Variants in SLC39A14 observed in about 807,000 individuals in gnomAD.
SLC39A14 encodes the protein solute carrier family 39 member 14.
Under a neutral mutation model 45.5 loss-of-function variants are expected in SLC39A14, and 19 were observed. The observed-to-expected ratio is 0.42, with a 90% CI of 0.29 to 0.61. SLC39A14 has a LOEUF of 0.61. Ranked by LOEUF, SLC39A14 falls within the 20% of genes least tolerant of loss-of-function variation. SLC39A14 has a pLI of 0.22. For missense variants in SLC39A14, 447 were observed against 616.5 expected (o/e 0.73, Z 2.91); for synonymous variants, 264 against 251.3 (o/e 1.05, Z -0.48).
intron 1 of SLC39A14, among the ~76,000 whole-genome samples, chr8:22,375,171 G>A (rs1342984736): frequency 6.7e-6 from 1 of 149,110 alleles, no homozygotes; most frequent in African/African-American, 2.4e-5. Context: ...TTTCCAGTCT[G>A]AACACAGCCC....
At chr8:22,381,287 C>T (rs1833495988) in intron 1 of SLC39A14, among the ~76,000 whole-genome samples, 1 of 140,714 alleles carries the variant, frequency 7.1e-6, no homozygotes, top group South Asian at 2.3e-4. Flanking sequence ...CTTTTTTTTT[C>T]TCCCCGAGAC....
At chr8:22,385,183 A>G (rs1269725851) in intron 1 of SLC39A14, among the ~76,000 whole-genome samples, 1 of 152,094 alleles carries the variant, frequency 6.6e-6, no homozygotes, top group Non-Finnish European at 1.5e-5. Flanking sequence ...ACTGCAGGAG[A>G]GGGGGGTCCC....
chr8:22,398,639 CT>C, intron 1 of SLC39A14: 1 of 849,360 alleles, frequency 1.2e-6, no homozygotes, highest in Non-Finnish European at 1.4e-6. Flanking sequence ...TATGCCCAAC[CT>C]CTAGACCCAG....
intron 2 of SLC39A14, 26 bp from the exon 3 acceptor site, chr8:22,408,283 CG>C (rs1419531113): frequency 5.0e-6 from 8 of 1,602,274 alleles, no homozygotes; most frequent in Non-Finnish European, 6.8e-6. Context: ...GGGGTCTAAG[CG>C]GCTTCCTGCC....
rs188765047 is a variant in SLC39A14 at position 22,394,451 on chromosome 8, C to T, written c.-15-10245C>T. ...TCTCCTGCCTCAACCTCCCAAGTAG[C>T]TGGTACTACAGGCGCCCACCACCAC... On this transcript the variant is annotated intron_variant, in intron 1 of 8. Transcript: ENST00000381237. Among the ~76,000 whole-genome samples the T allele has an allele frequency of 8.3e-4, 126 of 151,890 alleles. 2 individuals carry two copies. The East Asian group carries it at 0.02, about 24-fold the overall frequency.
rs1836232666 is a variant in SLC39A14 at position 22,421,602 on chromosome 8, C to T, written c.*1904C>T. On this transcript the variant is annotated 3_prime_UTR_variant, in exon 9 of 9. Coordinates refer to ENST00000381237, the MANE Select transcript of SLC39A14 (RefSeq NM_001128431.4). ...GTTTTTAAACGGTTCTTTGTCTTTTCTGTTTTATTTTTCTCAAGCTGCTTT... is the reference window on the plus strand; with the variant it reads ...GTTTTTAAACGGTTCTTTGTCTTTTTTGTTTTATTTTTCTCAAGCTGCTTT... 2.0e-6 allele frequency: 2 copies of T among 985,602 alleles called. No homozygotes were observed. Among genetic ancestry groups the T allele is most frequent in the Non-Finnish European group, 2.4e-6 (2 of 829,860 alleles). The allele number at this position is 985,602 out of a possible 1,614,324, so 61.1% of individuals were successfully genotyped here. A position where few individuals can be genotyped will look rare whatever the true frequency, so the allele number is the denominator to read the frequency against.
intron 1 of SLC39A14, among the ~76,000 whole-genome samples, chr8:22,370,328 TG>T (rs1460832013): frequency 6.6e-6 from 1 of 152,170 alleles, no homozygotes; most frequent in Non-Finnish European, 1.5e-5. Flanking sequence ...TGCAGAATCA[TG>T]GGGTTTACAC....
rs1320223142 is a variant in SLC39A14, at chr8:22,410,167, G to A, written c.457+1671G>A. ...CCTCTTTCCCTGGGGCGGCACAGCT[G>A]AGCCAATCCCCTCCTCCCCTACCCT... On this transcript the variant is annotated intron_variant, in intron 3 of 8. Coordinates refer to ENST00000381237, the MANE Select transcript of SLC39A14 (RefSeq NM_001128431.4). 8 of 1,594,416 alleles carry A rather than the reference G, an allele frequency of 5.0e-6. No individual in the cohort carries two copies. The South Asian group carries it at 8.8e-5, about 18-fold the overall frequency.
At chr8:22,428,998 C>T (rs1311983912) in intron 8 of SLC39A14, among the ~76,000 whole-genome samples, 4 of 151,932 alleles carry the variant, frequency 2.6e-5, no homozygotes, top group Non-Finnish European at 4.4e-5. Context: ...AATGGCCAGG[C>T]GTGGTGGCTC....
rs78484435 is a variant in SLC39A14, at chr8:22,375,223, A to G, written c.-16+7815A>G. On this transcript the variant is annotated intron_variant, in intron 1 of 8. Coordinates refer to ENST00000381237, the MANE Select transcript of SLC39A14 (RefSeq NM_001128431.4). The stretch of plus-strand genomic sequence containing the variant: ...GAAACTGTAATAGATGTGATTAACT[A>G]TACACAGAATTCCCCCAAACAATTG... Among the ~76,000 whole-genome samples, 975 of 123,172 alleles carry G rather than the reference A, an allele frequency of 7.9e-3. 3 individuals carry two copies. The highest frequency in any genetic ancestry group is 0.012 in the Non-Finnish European group (664 of 53,594). 80.8% of individuals were successfully genotyped at this position (123,172 alleles called of 152,430 possible).
At chr8:22,429,090 G>T (rs1028570288) in intron 8 of SLC39A14, among the ~76,000 whole-genome samples, 3 of 152,002 alleles carry the variant, frequency 2.0e-5, no homozygotes, top group African/African-American at 7.2e-5. Flanking sequence ...GGCTAACACG[G>T]TGAAACCCCG....
At chr8:22,398,726 A>T in intron 1 of SLC39A14, 1 of 985,464 alleles carries the variant, frequency 1.0e-6, no homozygotes, top group Non-Finnish European at 1.2e-6. Context: ...GCTGAACATC[A>T]CAGAAGCGTC....
At chr8:22,418,543 A>ATT (rs538719656) in intron 8 of SLC39A14, among the ~76,000 whole-genome samples, 1 of 145,762 alleles carries the variant, frequency 6.9e-6, no homozygotes. Context: ...TTTTTCTTTA[A>ATT]TTTTTTTTTT....
In SLC39A14 at chr8:22,401,543, CTTTTTTTTT is replaced by C. The variant is rs71544899; in HGVS notation, c.-15-3139_-15-3131del. ...CTGTCTTTCTCTTTCTCTTCTCTTT[CTTTTTTTTT>C]TTTTTTTTTTTTTGAGATGGAATCT... On this transcript the variant is annotated intron_variant, in intron 1 of 8. Transcript: ENST00000381237. Among the ~76,000 whole-genome samples, 19 of 84,078 alleles carry C rather than the reference CTTTTTTTTT, an allele frequency of 2.3e-4. No individual in the cohort carries two copies. In the East Asian group the frequency reaches 7.8e-3, roughly 34 times the overall value. The allele number at this position is 84,078 out of a possible 152,430, so 55.2% of individuals were successfully genotyped here. A position where few individuals can be genotyped will look rare whatever the true frequency, so the allele number is the denominator to read the frequency against.
chr8:22,408,864 A>G (rs1835391132), intron 3 of SLC39A14, among the ~76,000 whole-genome samples: 1 of 139,500 alleles, frequency 7.2e-6, no homozygotes, highest in Admixed American at 7.9e-5. Flanking sequence ...TCTGTCTCCG[A>G]GGCTGGAGTC....
intron 1 of SLC39A14, among the ~76,000 whole-genome samples, chr8:22,401,552 T>TTTTTC (rs1834864950): frequency 7.2e-6 from 1 of 139,344 alleles, no homozygotes; most frequent in Non-Finnish European, 1.6e-5. Context: ...TCTTTTTTTT[T>TTTTTC]TTTTTTTTTT....
intron 3 of SLC39A14, chr8:22,409,951 G>T (rs1179493538): frequency 6.2e-7 from 1 of 1,613,898 alleles, no homozygotes. Context: ...CACAGTGTGG[G>T]GCTTTGGTTT....
intron 3 of SLC39A14, 150 bp downstream of exon 3, chr8:22,408,646 T>C (rs995585354): frequency 2.8e-6 from 2 of 720,964 alleles, no homozygotes; most frequent in Non-Finnish European, 4.4e-6. Flanking sequence ...GAGCGATGAT[T>C]GGATGGATAA....
chr8:22,413,979 A>T (rs1027584756), intron 4 of SLC39A14, among the ~76,000 whole-genome samples: 2 of 151,724 alleles, frequency 1.3e-5, no homozygotes, highest in Admixed American at 6.6e-5. Flanking sequence ...GGGTTTCGCC[A>T]TGTTGGCCAG....
Sources: gnomAD v4.1 joint callset for allele counts (sites outside exome capture counted in the v4.1 genomes callset) on GRCh38, gnomAD v4.1.1 for gene constraint, MANE v1.5 for transcripts, NCBI Gene and HGNC (gene_info 2026-07-23, HGNC 2026-07-21) for gene names.